Variants in LRRC1 observed in about 807,000 individuals in gnomAD.
LRRC1 encodes the protein leucine rich repeat containing 1.
LRRC1 carries 28 observed loss-of-function variants against 69.9 expected under a neutral mutation model. That is an observed-to-expected ratio of 0.40 (90% CI 0.30 to 0.55). The LOEUF (loss-of-function observed/expected upper bound fraction) is 0.55. Ranked by LOEUF, LRRC1 falls within the 20% of genes least tolerant of loss-of-function variation. The pLI is 0.47. For missense variants in LRRC1, 498 were observed against 609.0 expected, an observed-to-expected ratio of 0.82 and a Z score of 1.92; for synonymous variants, 236 against 240.2, an observed-to-expected ratio of 0.98 and a Z score of 0.16.
intron 2 of LRRC1, among the ~76,000 whole-genome samples, chr6:53,871,897 A>C (rs1766897685): frequency 6.6e-6 from 1 of 152,098 alleles, no homozygotes; most frequent in African/African-American, 2.4e-5. Flanking sequence ...CGAACTCCTG[A>C]ACTCAGGTGA....
chr6:53,900,705 A>T (rs541580050), intron 8 of LRRC1, among the ~76,000 whole-genome samples: 4 of 151,498 alleles, frequency 2.6e-5, no homozygotes, highest in South Asian at 4.3e-4. Context: ...ATTTTCTTTT[A>T]AAAAAAAATC....
chr6:53,808,103 A>G (rs1374305681), intron 1 of LRRC1, among the ~76,000 whole-genome samples: 2 of 152,224 alleles, frequency 1.3e-5, no homozygotes, highest in African/African-American at 4.8e-5. Flanking sequence ...GATTTATGTT[A>G]GAGAGTTCAC....
At chr6:53,900,444 G>A (rs951623411) in intron 8 of LRRC1, among the ~76,000 whole-genome samples, 5 of 152,098 alleles carry the variant, frequency 3.3e-5, no homozygotes, top group Non-Finnish European at 5.9e-5. Context: ...TACTGCTGTC[G>A]TTACTTTTAA....
intron 2 of LRRC1, among the ~76,000 whole-genome samples, chr6:53,846,161 C>T (rs947931710): frequency 1.3e-5 from 2 of 152,134 alleles, no homozygotes; most frequent in African/African-American, 4.8e-5. Flanking sequence ...CTTTCTGGGC[C>T]AAGAACTGCC....
chr6:53,872,703 C>A (rs981528971), intron 2 of LRRC1, among the ~76,000 whole-genome samples: 13 of 146,488 alleles, frequency 8.9e-5, no homozygotes, highest in Non-Finnish European at 1.6e-4. Context: ...TGCATTGAAT[C>A]TATAGATTGC....
intron 1 of LRRC1, among the ~76,000 whole-genome samples, chr6:53,807,203 A>G (rs939941134): frequency 6.6e-5 from 10 of 152,292 alleles, no homozygotes; most frequent in Non-Finnish European, 1.3e-4. Flanking sequence ...TGTTGGTGTC[A>G]GGCTTCAGAG....
chr6:53,920,694 G>T lies in LRRC1; in HGVS notation c.1349G>T (p.Arg450Leu). Residue 450 changes from arginine (R) to leucine (L), a missense_variant, in exon 13 of 14, where the codon CGT becomes CTT. Arg to Leu is a moderately radical substitution (Grantham distance 102). Transcript: ENST00000370888. Reference protein sequence around the residue: ...NDVSDEAWNERAVNRVSAIRF... With the variant: ...NDVSDEAWNELAVNRVSAIRF... ...GTCTCTGATGAAGCCTGGAACGAGC[G>T]TGCTGTCAACAGAGTCAGTGCGATC... 19 of 1,614,098 alleles carry T rather than the reference G, an allele frequency of 1.2e-5. No individual in the cohort carries two copies. Among genetic ancestry groups the T allele is most frequent in the Non-Finnish European group, 1.6e-5 (19 of 1,179,964 alleles).
intron 1 of LRRC1, among the ~76,000 whole-genome samples, chr6:53,795,797 T>C (rs536474462): frequency 6.6e-6 from 1 of 152,150 alleles, no homozygotes; most frequent in Admixed American, 6.5e-5. Context: ...CCTCCCCCCC[T>C]CCACTCCCCG....
chr6:53,840,884 TTGTG>T (rs57491487), intron 1 of LRRC1, among the ~76,000 whole-genome samples: 12,851 of 125,084 alleles, frequency 0.1, 610 homozygotes, highest in South Asian at 0.14. Flanking sequence ...GGGTATGTGT[TTGTG>T]TGTGTGTGTG....
intron 10 of LRRC1, 170 bp downstream of exon 10, chr6:53,904,632 A>T (rs527945952): frequency 1.8e-5 from 8 of 435,568 alleles, no homozygotes; most frequent in Non-Finnish European, 3.3e-5. Context: ...TCAAAGAATG[A>T]TCATCAGTAA....
At position 53,923,700 on chromosome 6, in the gene LRRC1, A is replaced by T. The variant is rs549966684; in HGVS notation, c.*907A>T. 1 of 152,748 alleles carries T rather than the reference A, an allele frequency of 6.5e-6. No individual in the cohort carries two copies. The highest frequency in any genetic ancestry group is 2.1e-4 in the South Asian group (1 of 4,822). 9.5% of individuals were successfully genotyped at this position (152,748 alleles called of 1,614,324 possible). On this transcript the variant is annotated 3_prime_UTR_variant, in exon 14 of 14. Coordinates refer to ENST00000370888, the MANE Select transcript of LRRC1 (RefSeq NM_018214.5). ...ACTCTGATGGTATGTGCCATTTGTAAAATAAAATAGAGCAGAAAAACACAA... is the reference window on the plus strand; with the variant it reads ...ACTCTGATGGTATGTGCCATTTGTATAATAAAATAGAGCAGAAAAACACAA...
At chr6:53,863,547 G>T (rs1319898747) in intron 2 of LRRC1, among the ~76,000 whole-genome samples, 1 of 152,190 alleles carries the variant, frequency 6.6e-6, no homozygotes. Context: ...GCCTTCTGAA[G>T]AAGGACTTTG....
intron 2 of LRRC1, among the ~76,000 whole-genome samples, chr6:53,872,419 T>A (rs1766917456): frequency 6.6e-6 from 1 of 152,198 alleles, no homozygotes; most frequent in African/African-American, 2.4e-5. Context: ...GGTTCTCTAT[T>A]CTATTTCACT....
In LRRC1 at chr6:53,878,947, T is replaced by G. The variant is rs751653613; in HGVS notation, c.278-46T>G. ...GATCCATCTTGAGAGTGATGAAAAC[T>G]GTTAATAATGGTGGCAAATTATAGA... On this transcript the variant is annotated intron_variant, in intron 2 of 13. Coordinates refer to ENST00000370888, the MANE Select transcript of LRRC1 (RefSeq NM_018214.5). 4 of 1,180,962 alleles carry G rather than the reference T, an allele frequency of 3.4e-6. No individual in the cohort carries two copies. The Admixed American group carries it at 7.2e-5, about 21-fold the overall frequency. 73.2% of individuals were successfully genotyped at this position (1,180,962 alleles called of 1,614,324 possible). A position where few individuals can be genotyped will look rare whatever the true frequency, so the allele number is the denominator to read the frequency against.
At chr6:53,921,142 A>AT (rs1283686514) in intron 13 of LRRC1, among the ~76,000 whole-genome samples, 1 of 151,808 alleles carries the variant, frequency 6.6e-6, no homozygotes, top group Non-Finnish European at 1.5e-5. Context: ...TAATTTTTGT[A>AT]TTTTTTGTAG....
At chr6:53,857,908 G>A (rs924436975) in intron 2 of LRRC1, among the ~76,000 whole-genome samples, 63 of 152,236 alleles carry the variant, frequency 4.1e-4, no homozygotes, top group Admixed American at 4.1e-3. Flanking sequence ...AATTATTCTG[G>A]TGGTATGTGT....
At chr6:53,891,493 A>G (rs990870505) in intron 4 of LRRC1, among the ~76,000 whole-genome samples, 1 of 151,840 alleles carries the variant, frequency 6.6e-6, no homozygotes, top group African/African-American at 2.4e-5. Context: ...TGCCAGATAT[A>G]TATGTATAGA....
At chr6:53,892,021 CA>C (rs1323641432) in intron 4 of LRRC1, among the ~76,000 whole-genome samples, 1 of 149,852 alleles carries the variant, frequency 6.7e-6, no homozygotes, top group Non-Finnish European at 1.5e-5. Context: ...TACACACACA[CA>C]CACACACACA....
chr6:53,838,741 A>G (rs1015391200), intron 1 of LRRC1, among the ~76,000 whole-genome samples: 1 of 152,212 alleles, frequency 6.6e-6, no homozygotes, highest in African/African-American at 2.4e-5. Context: ...TCCTTAAGAA[A>G]TTAAATCTCA....
Sources: gnomAD v4.1 joint callset for allele counts (sites outside exome capture counted in the v4.1 genomes callset) on GRCh38, gnomAD v4.1.1 for gene constraint, MANE v1.5 for transcripts, NCBI Gene and HGNC (gene_info 2026-07-23, HGNC 2026-07-21) for gene names.